Variants in ERG observed in about 807,000 individuals in gnomAD.
The protein encoded by ERG is ETS transcription factor ERG, also known as transcriptional regulator ERG.
In ERG, 9 loss-of-function variants were observed where a neutral mutation model predicts 55.3. That is an observed-to-expected ratio of 0.16 (90% CI 0.10 to 0.28). The LOEUF (loss-of-function observed/expected upper bound fraction) is 0.28, where lower values mean the gene tolerates loss of function less well. Ranked by LOEUF, ERG falls within the 10% of genes least tolerant of loss-of-function variation. The pLI is 1.00. For synonymous variants in ERG, 223 were observed against 237.3 expected (o/e 0.94, Z 0.55); for missense variants, 434 against 631.6 (o/e 0.69, Z 3.35).
chr21:38,438,427 T>C (rs1433966353), intron 2 of ERG, among the ~76,000 whole-genome samples: 1 of 152,236 alleles, frequency 6.6e-6, no homozygotes, highest in Non-Finnish European at 1.5e-5. Flanking sequence ...ATTCATTGAA[T>C]GAATGAATGA....
At chr21:38,614,760 T>C (rs1025101662) in intron 1 of ERG, among the ~76,000 whole-genome samples, 1 of 152,000 alleles carries the variant, frequency 6.6e-6, no homozygotes. Context: ...ATCTGATCGG[T>C]GAGTTGGGAA....
chr21:38,660,874 G>GGTGTGGGTGTGCTCGCGT (rs1027045673), intron 1 of ERG, among the ~76,000 whole-genome samples: 18 of 152,042 alleles, frequency 1.2e-4, no homozygotes, highest in Admixed American at 8.5e-4. Context: ...TGTGCGCGTG[G>GGTGTGGGTGTGCTCGCGT]GTGTGGGTGT....
At chr21:38,412,495 G>A (rs901770698) in intron 3 of ERG, among the ~76,000 whole-genome samples, 14 of 151,802 alleles carry the variant, frequency 9.2e-5, no homozygotes, top group Non-Finnish European at 1.9e-4. Flanking sequence ...CCCTACTTAG[G>A]GAGGCTGTGG....
chr21:38,505,487 T>C (rs1000059693), intron 2 of ERG, among the ~76,000 whole-genome samples: 4 of 152,206 alleles, frequency 2.6e-5, no homozygotes, highest in African/African-American at 9.7e-5. Context: ...TCCCGTTAAA[T>C]GCACCGACCT....
At chr21:38,567,066 G>T (rs991914522) in intron 2 of ERG, among the ~76,000 whole-genome samples, 2 of 88,114 alleles carry the variant, frequency 2.3e-5, no homozygotes, top group African/African-American at 7.2e-5. Context: ...ACGAGGAATC[G>T]CCAGACTGGG....
chr21:38,391,210 C>T (rs1046446133), intron 8 of ERG, among the ~76,000 whole-genome samples, 168 bp from the exon 9 acceptor site: 13 of 152,168 alleles, frequency 8.5e-5, no homozygotes, highest in Non-Finnish European at 1.2e-4. Flanking sequence ...AGATGTCACA[C>T]GGCATCTCAG....
intron 1 of ERG, among the ~76,000 whole-genome samples, chr21:38,642,042 G>A (rs1255354927): frequency 6.6e-6 from 1 of 152,150 alleles, no homozygotes; most frequent in Non-Finnish European, 1.5e-5. Flanking sequence ...AAGAGGACTA[G>A]GTAGATAAAT....
chr21:38,480,628 A>T (rs7275212), intron 1 of ERG, among the ~76,000 whole-genome samples: 2,512 of 81,662 alleles, frequency 0.031, 47 homozygotes, highest in East Asian at 0.11. Context: ...TTATAGAGTT[A>T]GGTCAATTTC....
At chr21:38,457,967 T>C (rs550625531) in intron 1 of ERG, among the ~76,000 whole-genome samples, 1 of 152,370 alleles carries the variant, frequency 6.6e-6, no homozygotes, top group Non-Finnish European at 1.5e-5. Flanking sequence ...CGCTATTTAT[T>C]TGTGAACACA....
upstream of ERG, among the ~76,000 whole-genome samples, chr21:38,501,180 C>T (rs985478406): frequency 6.6e-6 from 1 of 151,320 alleles, no homozygotes; most frequent in Non-Finnish European, 1.5e-5. Flanking sequence ...ATTCTCCTGC[C>T]TCAGCCTCCC....
At chr21:38,645,749 A>G (rs2060452154) in intron 1 of ERG, among the ~76,000 whole-genome samples, 3 of 152,232 alleles carry the variant, frequency 2.0e-5, no homozygotes, top group Admixed American at 2.0e-4. Context: ...AAAGACAAAA[A>G]GCATCAGTGA....
rs553373926 is a variant in ERG, at chr21:38,503,800, C to T, written c.-41+71862G>A. Among the ~76,000 whole-genome samples, 6 of 152,224 alleles carry T rather than the reference C, an allele frequency of 3.9e-5. No homozygotes were observed. In the East Asian group the frequency reaches 5.8e-4, roughly 15 times the overall value. On this transcript the variant is annotated intron_variant, in intron 2 of 8. Transcript: ENST00000398897. The stretch of plus-strand genomic sequence containing the variant: ...ATAAGAATCAAGCATCTGGGGCTGC[C>T]GCACAATGGAAAACTCCAGCACTCC...
chr21:38,630,317 T>C (rs965246149), intron 1 of ERG, among the ~76,000 whole-genome samples: 8 of 152,146 alleles, frequency 5.3e-5, no homozygotes, highest in Non-Finnish European at 5.9e-5. Context: ...GCTTAAACCA[T>C]AGGAAAACAA....
intron 1 of ERG, among the ~76,000 whole-genome samples, chr21:38,485,843 T>C (rs1601116309): frequency 6.6e-6 from 1 of 152,008 alleles, no homozygotes; most frequent in Admixed American, 6.6e-5. Context: ...TTCACCCAGA[T>C]CCACAGCCAC....
chr21:38,641,111 C>T (rs73444346), intron 1 of ERG, among the ~76,000 whole-genome samples: 158 of 152,326 alleles, frequency 1.0e-3, no homozygotes, highest in African/African-American at 3.8e-3. Flanking sequence ...CCATCCCATG[C>T]TCATTGCATG....
intron 1 of ERG, among the ~76,000 whole-genome samples, chr21:38,628,854 G>C (rs1468580485): frequency 6.6e-6 from 1 of 152,138 alleles, no homozygotes; most frequent in Non-Finnish European, 1.5e-5. Context: ...CATGAGATCT[G>C]CATTAAAACT....
At chr21:38,604,037 A>C (rs2060181155) in intron 1 of ERG, among the ~76,000 whole-genome samples, 1 of 152,008 alleles carries the variant, frequency 6.6e-6, no homozygotes, top group African/African-American at 2.4e-5. Flanking sequence ...TCATGAGGTC[A>C]GGAGTTCGAG....
chr21:38,604,985 C>T lies in ERG; in HGVS notation c.-149-20040G>A, dbSNP rs534783041. On this transcript the variant is annotated intron_variant, in intron 1 of 10. Coordinates refer to the ERG transcript ENST00000398910. ...CTAACTGAAGATTCTGCTCTCGTTC[C>T]CCTTAAAACAATCTTCAGTGTTTCC... Among the ~76,000 whole-genome samples, 4 of 152,242 alleles carry T rather than the reference C, an allele frequency of 2.6e-5. No homozygotes were observed. In the South Asian group the frequency reaches 8.3e-4, roughly 32 times the overall value.
chr21:38,543,965 T>G (rs1375983373), intron 2 of ERG, among the ~76,000 whole-genome samples: 2 of 152,090 alleles, frequency 1.3e-5, no homozygotes, highest in Non-Finnish European at 2.9e-5. Flanking sequence ...GTCTCAAACT[T>G]CTGACCTCAA....
Sources: gnomAD v4.1 joint callset for allele counts (sites outside exome capture counted in the v4.1 genomes callset) on GRCh38, gnomAD v4.1.1 for gene constraint, MANE v1.5 for transcripts, NCBI Gene and HGNC (gene_info 2026-07-23, HGNC 2026-07-21) for gene names.